Variants in ZBTB20 observed in about 807,000 individuals in gnomAD.
The protein encoded by ZBTB20 is zinc finger and BTB domain containing 20.
In ZBTB20, 9 loss-of-function variants were observed where a neutral mutation model predicts 56.9. That is an observed-to-expected ratio of 0.16 (90% CI 0.10 to 0.28). The LOEUF is 0.28. ZBTB20 is among the 10% of genes least tolerant of loss of function. The probability of loss-of-function intolerance (pLI) is 1.00; values close to 1 mark genes in which losing one functional copy is unlikely to be tolerated. For synonymous variants in ZBTB20, 417 were observed against 420.7 expected (o/e 0.99, Z 0.11); for missense variants, 655 against 1,003.0 (o/e 0.65, Z 4.69).
At chr3:114,996,955 A>G (rs549616449) in intron 2 of ZBTB20, among the ~76,000 whole-genome samples, 6 of 151,970 alleles carry the variant, frequency 3.9e-5, no homozygotes, top group Non-Finnish European at 8.8e-5. Flanking sequence ...GCCAGTTAGA[A>G]TGGTGATCAT....
chr3:114,608,559 G>C (rs942563128), intron 6 of ZBTB20, among the ~76,000 whole-genome samples: 9 of 152,134 alleles, frequency 5.9e-5, no homozygotes, highest in Non-Finnish European at 1.3e-4. Context: ...TAATGTTTCT[G>C]TGGTGTGTCT....
intron 5 of ZBTB20, among the ~76,000 whole-genome samples, chr3:114,765,538 C>T (rs926117850): frequency 6.6e-6 from 1 of 152,158 alleles, no homozygotes; most frequent in Admixed American, 6.5e-5. Flanking sequence ...AAGGAACCAT[C>T]CCTTCTAATA....
At chr3:114,810,256 C>T (rs2072420491) in intron 4 of ZBTB20, among the ~76,000 whole-genome samples, 1 of 152,078 alleles carries the variant, frequency 6.6e-6, no homozygotes, top group Non-Finnish European at 1.5e-5. Context: ...GGTAGCTTAC[C>T]AAAGTTCACT....
chr3:114,766,215 G>A (rs1055196936), intron 5 of ZBTB20, among the ~76,000 whole-genome samples: 1 of 152,052 alleles, frequency 6.6e-6, no homozygotes, highest in African/African-American at 2.4e-5. Flanking sequence ...GTAAGAGAAG[G>A]TAGGGGCAGA....
intron 6 of ZBTB20, among the ~76,000 whole-genome samples, chr3:114,623,731 G>C (rs1315739480): frequency 6.6e-6 from 1 of 152,198 alleles, no homozygotes; most frequent in Non-Finnish European, 1.5e-5. Flanking sequence ...CTGGTGGAGT[G>C]AAACTCCAAA....
At chr3:114,836,388 C>T (rs554129690) in intron 4 of ZBTB20, among the ~76,000 whole-genome samples, 2 of 152,090 alleles carry the variant, frequency 1.3e-5, no homozygotes, top group Non-Finnish European at 2.9e-5. Context: ...AAACAAGATG[C>T]TACAAGATGT....
At chr3:115,047,603 A>G (rs562462345) in intron 2 of ZBTB20, among the ~76,000 whole-genome samples, 1 of 152,336 alleles carries the variant, frequency 6.6e-6, no homozygotes, top group East Asian at 1.9e-4. Flanking sequence ...TGAATTGGAA[A>G]TACAACAGAA....
intron 7 of ZBTB20, among the ~76,000 whole-genome samples, chr3:114,408,430 T>C (rs750632867): frequency 3.0e-4 from 45 of 152,210 alleles, no homozygotes; most frequent in African/African-American, 7.7e-4. Context: ...TGTTTAGGAA[T>C]CTTATAGCTT....
chr3:114,645,728 C>T (rs989083469), intron 6 of ZBTB20, among the ~76,000 whole-genome samples: 3 of 152,046 alleles, frequency 2.0e-5, no homozygotes, highest in African/African-American at 7.2e-5. Context: ...TATGGAGAAA[C>T]CAAATTAATT....
At chr3:114,688,865 C>T (rs895046288) in intron 6 of ZBTB20, among the ~76,000 whole-genome samples, 9 of 152,092 alleles carry the variant, frequency 5.9e-5, no homozygotes, top group African/African-American at 2.2e-4. Flanking sequence ...ATCAACAGTA[C>T]GGTTAGGAAT....
intron 6 of ZBTB20, among the ~76,000 whole-genome samples, chr3:114,627,821 TA>T (rs2058729614): frequency 6.6e-6 from 1 of 152,216 alleles, no homozygotes; most frequent in South Asian, 2.1e-4. Flanking sequence ...TTTCCAGCTC[TA>T]AATTCATCTT....
chr3:115,109,522 T>C (rs1413059393), intron 1 of ZBTB20, among the ~76,000 whole-genome samples: 3 of 152,220 alleles, frequency 2.0e-5, no homozygotes, highest in South Asian at 4.1e-4. Context: ...CCCAACAGCA[T>C]TAAAAGAAAT....
chr3:114,979,647 T>A (rs1294352939), intron 2 of ZBTB20, among the ~76,000 whole-genome samples: 1 of 152,058 alleles, frequency 6.6e-6, no homozygotes, highest in Non-Finnish European at 1.5e-5. Context: ...GGTTTAATTG[T>A]ATTTTATTTT....
intron 5 of ZBTB20, among the ~76,000 whole-genome samples, chr3:114,769,628 G>T (rs2069051888): frequency 6.9e-6 from 1 of 144,562 alleles, no homozygotes; most frequent in African/African-American, 2.7e-5. Context: ...AAAAAGGAAT[G>T]AATTAACAGC....
At chr3:114,356,697 G>A (rs1190607363) in intron 10 of ZBTB20, among the ~76,000 whole-genome samples, 1 of 152,140 alleles carries the variant, frequency 6.6e-6, no homozygotes, top group Non-Finnish European at 1.5e-5. Flanking sequence ...TGGAGAAAGG[G>A]GGGATGTATT....
rs756729033 is a variant in ZBTB20 at position 114,316,511 on chromosome 3, T to C, written c.*22494A>G. ...CTATACATGTATAATATATACACTA[T>C]ATATATGTGGATACATATAGGAAGT... On this transcript the variant is annotated 3_prime_UTR_variant, in exon 12 of 12. Transcript: ENST00000675478. The C allele has an allele frequency of 1.1e-5, 6 of 531,100 alleles. No individual in the cohort carries two copies. Among genetic ancestry groups the C allele is most frequent in the Admixed American group, 7.8e-5 (4 of 51,126 alleles). 32.9% of individuals were successfully genotyped at this position (531,100 alleles called of 1,614,324 possible).
chr3:114,622,881 C>T (rs2058415655), intron 6 of ZBTB20, among the ~76,000 whole-genome samples: 2 of 152,162 alleles, frequency 1.3e-5, no homozygotes, highest in South Asian at 2.1e-4. Flanking sequence ...AATTTAAGAA[C>T]ATCAAGTAAG....
At chr3:114,612,987 T>C (rs901318164) in intron 6 of ZBTB20, among the ~76,000 whole-genome samples, 1 of 152,180 alleles carries the variant, frequency 6.6e-6, no homozygotes, top group Non-Finnish European at 1.5e-5. Context: ...AATATGAAGA[T>C]CAGAATCAAG....
chr3:115,015,800 A>G (rs1560494257), intron 2 of ZBTB20, among the ~76,000 whole-genome samples: 1 of 151,932 alleles, frequency 6.6e-6, no homozygotes, highest in Non-Finnish European at 1.5e-5. Flanking sequence ...GTATCTTTAT[A>G]ATAAAATGAT....
Sources: gnomAD v4.1 joint callset for allele counts (sites outside exome capture counted in the v4.1 genomes callset) on GRCh38, gnomAD v4.1.1 for gene constraint, MANE v1.5 for transcripts, NCBI Gene and HGNC (gene_info 2026-07-23, HGNC 2026-07-21) for gene names.